Variants in CTNNA2 observed in about 807,000 individuals in gnomAD.
The protein encoded by CTNNA2 is catenin alpha-2.
CTNNA2 carries 42 observed loss-of-function variants against 101.0 expected under a neutral mutation model. The ratio of observed to expected loss-of-function variants is 0.42; its 90% CI spans 0.32 to 0.54. The LOEUF (loss-of-function observed/expected upper bound fraction) is 0.54. Among genes scored for constraint, CTNNA2 ranks in the 20% least tolerant of loss-of-function variants. The pLI is 0.14. For missense variants in CTNNA2, 871 were observed against 1,223.1 expected (o/e 0.71, Z 4.29); for synonymous variants, 450 against 456.4 (o/e 0.99, Z 0.18).
intron 7 of CTNNA2, among the ~76,000 whole-genome samples, chr2:80,190,227 T>C (rs1706404819): frequency 6.6e-6 from 1 of 151,974 alleles, no homozygotes; most frequent in Admixed American, 6.5e-5. Flanking sequence ...CATGGGGTTT[T>C]ACTAGGGGCT....
chr2:80,029,385 T>C (rs1371231702), intron 7 of CTNNA2: 1 of 152,202 alleles, frequency 6.6e-6, no homozygotes, highest in African/African-American at 2.4e-5. Flanking sequence ...TTGAACTGTA[T>C]GTTTTCAAGA....
intron 7 of CTNNA2, among the ~76,000 whole-genome samples, chr2:80,227,362 T>C (rs1708948140): frequency 1.3e-5 from 2 of 152,154 alleles, no homozygotes; most frequent in Non-Finnish European, 2.9e-5. Flanking sequence ...CACATACTAA[T>C]ATAAGGAGGG....
intron 4 of CTNNA2, among the ~76,000 whole-genome samples, chr2:79,424,841 C>T (rs1678576091): frequency 6.6e-6 from 1 of 152,048 alleles, no homozygotes; most frequent in South Asian, 2.1e-4. Context: ...TTAGGCATGT[C>T]TAGTGGTAAG....
intron 3 of CTNNA2, among the ~76,000 whole-genome samples, chr2:79,772,314 C>G (rs79086348): frequency 0.023 from 3,433 of 152,278 alleles, 139 homozygotes; most frequent in African/African-American, 0.076. Flanking sequence ...CTCAATCTCT[C>G]AAGTGTCTGT....
chr2:80,566,140 C>G (rs1006511528), intron 12 of CTNNA2, among the ~76,000 whole-genome samples: 1 of 152,172 alleles, frequency 6.6e-6, no homozygotes, highest in Non-Finnish European at 1.5e-5. Context: ...TTATATATTT[C>G]TGTGTAACAA....
chr2:80,059,422 G>A (rs1697429442), intron 7 of CTNNA2, among the ~76,000 whole-genome samples: 1 of 152,160 alleles, frequency 6.6e-6, no homozygotes, highest in Non-Finnish European at 1.5e-5. Context: ...CCTTTGCAAG[G>A]AATTTGAGTC....
intron 7 of CTNNA2, among the ~76,000 whole-genome samples, chr2:80,296,258 G>A (rs996983715): frequency 1.1e-4 from 16 of 152,114 alleles, no homozygotes; most frequent in African/African-American, 3.9e-4. Flanking sequence ...TTTGGTTGGG[G>A]AAGAAGAAGG....
chr2:80,320,260 C>A (rs998418012), intron 7 of CTNNA2, among the ~76,000 whole-genome samples: 12 of 152,162 alleles, frequency 7.9e-5, no homozygotes, highest in African/African-American at 2.9e-4. Context: ...TTGTTTTTGT[C>A]ACTTTTGTAA....
chr2:80,206,195 G>A (rs371137625), intron 7 of CTNNA2, among the ~76,000 whole-genome samples: 2 of 152,010 alleles, frequency 1.3e-5, no homozygotes, highest in Admixed American at 6.6e-5. Context: ...GAACTTTTCC[G>A]ACCATGTCAC....
chr2:80,404,297 T>C (rs1678850680), intron 8 of CTNNA2, among the ~76,000 whole-genome samples: 1 of 152,140 alleles, frequency 6.6e-6, no homozygotes, highest in African/African-American at 2.4e-5. Flanking sequence ...TTTGTTCTTT[T>C]TTAGTCTAGC....
intron 15 of CTNNA2, among the ~76,000 whole-genome samples, chr2:80,599,965 G>C (rs1406507520): frequency 1.5e-5 from 2 of 132,446 alleles, no homozygotes; most frequent in East Asian, 4.7e-4. Flanking sequence ...TGAATATTTA[G>C]ACAATAGAAT....
chr2:79,616,488 C>T (rs1332502961), intron 1 of CTNNA2, among the ~76,000 whole-genome samples: 5 of 152,108 alleles, frequency 3.3e-5, no homozygotes, highest in Admixed American at 2.0e-4. Flanking sequence ...GCATATATTA[C>T]TATTAAAATG....
chr2:79,467,719 T>C lies in CTNNA2; in HGVS notation c.-134-37335T>C, dbSNP rs137934441. ...CAAGCCAGAAGAGAGTAGGGGCCAA[T>C]ATTCAACATTCTTAAAGAAAAGAAT... is the stretch of plus-strand genomic sequence containing the variant. On this transcript the variant is annotated intron_variant, in intron 4 of 21. Coordinates refer to the CTNNA2 transcript ENST00000466387. 2.4e-3 allele frequency among the ~76,000 whole-genome samples: 366 copies of C among 152,260 alleles called. 7 individuals carry two copies. In the East Asian group the frequency reaches 0.045, roughly 19 times the overall value.
chr2:79,571,989 C>T (rs138065037), intron 1 of CTNNA2, among the ~76,000 whole-genome samples: 5 of 152,236 alleles, frequency 3.3e-5, no homozygotes, highest in Non-Finnish European at 2.9e-5. Context: ...GAACTCCCAG[C>T]GTGCCCATTT....
At position 80,247,073 on chromosome 2, in the gene CTNNA2, T is replaced by C. The variant is rs541497147; in HGVS notation, c.1057-146138T>C. On this transcript the variant is annotated intron_variant, in intron 7 of 18. Transcript: ENST00000402739. The stretch of plus-strand genomic sequence containing the variant: ...TACTGTGCCCAGCACCATAAGGCAA[T>C]GAAGAAGTAGTAAAAATGAGAAAGA... Among the ~76,000 whole-genome samples the C allele has an allele frequency of 2.6e-5, 4 of 152,178 alleles. No homozygotes were observed. In the East Asian group the frequency reaches 7.7e-4, roughly 29 times the overall value.
intron 2 of CTNNA2, among the ~76,000 whole-genome samples, chr2:79,311,148 G>T (rs938091357): frequency 1.3e-5 from 2 of 152,160 alleles, no homozygotes; most frequent in Admixed American, 1.3e-4. Flanking sequence ...TGTGGCTCAC[G>T]CCTGTAATCC....
intron 4 of CTNNA2, among the ~76,000 whole-genome samples, chr2:79,501,246 C>G (rs192990418): frequency 1.3e-5 from 2 of 152,124 alleles, no homozygotes; most frequent in Non-Finnish European, 2.9e-5. Flanking sequence ...ACCAAATTAT[C>G]TGTTGTGGCT....
intron 2 of CTNNA2, among the ~76,000 whole-genome samples, chr2:79,228,944 G>GTC (rs1468592726): frequency 6.6e-6 from 1 of 152,062 alleles, no homozygotes; most frequent in African/African-American, 2.4e-5. Flanking sequence ...ATGGTAAGAG[G>GTC]TAAAGGTCCA....
chr2:80,174,370 C>T (rs529087796), intron 7 of CTNNA2, among the ~76,000 whole-genome samples: 20 of 152,196 alleles, frequency 1.3e-4, no homozygotes, highest in African/African-American at 2.9e-4. Context: ...TTATGATACC[C>T]GCAGCACAGC....
Sources: allele counts gnomAD v4.1 joint callset (sites outside exome capture counted in the v4.1 genomes callset), GRCh38; gene constraint gnomAD v4.1.1; transcripts MANE v1.5; gene names NCBI Gene and HGNC (gene_info 2026-07-23, HGNC 2026-07-21).